The following PTPRR variants were observed in gnomAD, a reference collection of about 807,000 sequenced individuals.
PTPRR encodes protein tyrosine phosphatase receptor type R.
Under a neutral mutation model 77.2 loss-of-function variants are expected in PTPRR, and 38 were observed. The observed-to-expected ratio is 0.49, with a 90% CI of 0.38 to 0.65. The LOEUF is 0.65. Ranked by LOEUF, PTPRR falls within the 30% of genes least tolerant of loss-of-function variation. PTPRR has a pLI of 0.00. For missense variants in PTPRR, 744 were observed against 799.2 expected (o/e 0.93, Z 0.83); for synonymous variants, 299 against 283.1 (o/e 1.06, Z -0.57).
chr12:70,848,067 T>C (rs1225618223), intron 2 of PTPRR, among the ~76,000 whole-genome samples: 1 of 152,116 alleles, frequency 6.6e-6, no homozygotes, highest in Non-Finnish European at 1.5e-5. Flanking sequence ...TTACTATAAA[T>C]TACAAGAGAT....
At chr12:70,696,292 A>G (rs961595236) in intron 8 of PTPRR, among the ~76,000 whole-genome samples, 7 of 151,686 alleles carry the variant, frequency 4.6e-5, no homozygotes, top group Admixed American at 1.3e-4. Context: ...CATAATTACC[A>G]TTTATATGAC....
chr12:70,757,005 G>A (rs1203526225), intron 4 of PTPRR, among the ~76,000 whole-genome samples: 1 of 152,148 alleles, frequency 6.6e-6, no homozygotes, highest in African/African-American at 2.4e-5. Context: ...TTGGATAAAT[G>A]CCAAGCTTCC....
chr12:70,790,536 C>G (rs1891404056), intron 2 of PTPRR, among the ~76,000 whole-genome samples: 1 of 152,068 alleles, frequency 6.6e-6, no homozygotes, highest in Non-Finnish European at 1.5e-5. Context: ...TCTTCTTTTC[C>G]TCTATAGTCT....
intron 2 of PTPRR, among the ~76,000 whole-genome samples, chr12:70,886,369 ATTAAG>A (rs1285470912): frequency 1.3e-5 from 2 of 152,382 alleles, no homozygotes; most frequent in East Asian, 1.9e-4. Flanking sequence ...AAGCATTAAC[ATTAAG>A]TTAAGAGCAG....
chr12:70,699,491 G>C lies in PTPRR; in HGVS notation c.1195-1142C>G, dbSNP rs868293604. Among the ~76,000 whole-genome samples, 45 of 152,096 alleles carry C rather than the reference G, an allele frequency of 3.0e-4. 1 individual carries two copies. The highest frequency in any genetic ancestry group is 9.7e-4 in the African/African-American group (40 of 41,422). ...AGATGGGATCTCACTCTGTCACCTA[G>C]GTCAGTGTGCAGTGGCACAATCATA... On this transcript the variant is annotated intron_variant, in intron 7 of 13. Transcript: ENST00000283228.
intron 2 of PTPRR, among the ~76,000 whole-genome samples, chr12:70,888,405 A>G (rs1565731295): frequency 6.6e-6 from 1 of 152,144 alleles, no homozygotes; most frequent in Non-Finnish European, 1.5e-5. Flanking sequence ...ATATGGACTC[A>G]GATTGCTCTA....
chr12:70,657,686 GAATT>G (rs1437234231), intron 12 of PTPRR, among the ~76,000 whole-genome samples: 2 of 152,044 alleles, frequency 1.3e-5, no homozygotes, highest in African/African-American at 4.8e-5. Flanking sequence ...ATCTAAAACA[GAATT>G]AATTATCTTT....
Position 70,672,370 on chromosome 12 carries a change from AG to A in PTPRR, c.1498-9766del. The A allele has an allele frequency of 6.6e-6, 9 of 1,360,138 alleles. No individual in the cohort carries two copies. The South Asian group carries it at 1.1e-4, about 16-fold the overall frequency. The allele number at this position is 1,360,138 out of a possible 1,614,324, so 84.3% of individuals were successfully genotyped here. On this transcript the variant is annotated intron_variant, in intron 10 of 13. Coordinates refer to ENST00000283228, the MANE Select transcript of PTPRR (RefSeq NM_002849.4). ...CCTATGATGAGATGGTCCTCCCATC[AG>A]AGAGCCAGGAGGTAGACTGGGAAGT...
chr12:70,698,409 CA>C (rs1197657249), intron 7 of PTPRR, 60 bp from the exon 8 acceptor site: 13 of 1,430,794 alleles, frequency 9.1e-6, no homozygotes, highest in Admixed American at 3.4e-5. Context: ...AAAATCTTCA[CA>C]GGGGGGCATC....
At chr12:70,840,455 A>G (rs778422902) in intron 2 of PTPRR, among the ~76,000 whole-genome samples, 4 of 152,160 alleles carry the variant, frequency 2.6e-5, no homozygotes, top group Non-Finnish European at 5.9e-5. Context: ...TTTGCCATGT[A>G]AAGCAACACA....
chr12:70,811,607 C>T (rs140552164), intron 2 of PTPRR, among the ~76,000 whole-genome samples: 41 of 152,310 alleles, frequency 2.7e-4, no homozygotes, highest in Non-Finnish European at 5.3e-4. Context: ...ATTGTATATT[C>T]GCAGGTATCT....
chr12:70,728,238 C>T (rs11178382), intron 6 of PTPRR, among the ~76,000 whole-genome samples: 106,434 of 125,438 alleles, frequency 0.85, 45,030 homozygotes, highest in East Asian at 1. Context: ...ATTTGCCATA[C>T]ATATATACAG....
At chr12:70,737,372 C>T (rs1390676703) in intron 6 of PTPRR, among the ~76,000 whole-genome samples, 2 of 152,094 alleles carry the variant, frequency 1.3e-5, no homozygotes, top group African/African-American at 4.8e-5. Context: ...TTGTCTCAGG[C>T]TGTGCTTTTA....
intron 2 of PTPRR, among the ~76,000 whole-genome samples, chr12:70,871,886 C>T (rs576798135): frequency 6.6e-6 from 1 of 152,284 alleles, no homozygotes; most frequent in African/African-American, 2.4e-5. Context: ...CCTCAGGTCA[C>T]ACCTTGGCCT....
At chr12:70,661,609 C>T (rs1447099688) in intron 11 of PTPRR, among the ~76,000 whole-genome samples, 1 of 152,196 alleles carries the variant, frequency 6.6e-6, no homozygotes, top group Admixed American at 6.5e-5. Context: ...TGAGATCCCT[C>T]TATTGGAAAC....
intron 8 of PTPRR, among the ~76,000 whole-genome samples, chr12:70,685,299 T>C (rs556141687): frequency 1.3e-5 from 2 of 151,866 alleles, no homozygotes; most frequent in East Asian, 3.9e-4. Context: ...GCTATCTGTG[T>C]GAGGATAGGC....
At chr12:70,829,403 G>C (rs781038047) in intron 2 of PTPRR, among the ~76,000 whole-genome samples, 3 of 152,104 alleles carry the variant, frequency 2.0e-5, no homozygotes, top group African/African-American at 4.8e-5. Flanking sequence ...TCTAGGCTGG[G>C]AAAGATGCTC....
At chr12:70,862,171 C>T (rs958888194) in intron 2 of PTPRR, among the ~76,000 whole-genome samples, 2 of 152,032 alleles carry the variant, frequency 1.3e-5, no homozygotes, top group Non-Finnish European at 2.9e-5. Flanking sequence ...TCTCCAAGGC[C>T]TACTGAAAGC....
At position 70,681,045 on chromosome 12, in the gene PTPRR, G is replaced by T. The variant is rs149914202; in HGVS notation, c.1497+3082C>A. Reference sequence around the variant, plus strand: ...TATGGGCTTCATGGATGGGGCACTGGATCTAGGCTCTGAGAGACAGGGTTC... The same window carrying T: ...TATGGGCTTCATGGATGGGGCACTGTATCTAGGCTCTGAGAGACAGGGTTC... On this transcript the variant is annotated intron_variant, in intron 10 of 13. Transcript: ENST00000283228. Among the ~76,000 whole-genome samples the T allele has an allele frequency of 3.4e-3, 516 of 152,276 alleles. 3 individuals carry two copies. Among genetic ancestry groups the T allele is most frequent in the African/African-American group, 0.011 (468 of 41,538 alleles).
Sources: gnomAD v4.1 joint callset for allele counts (sites outside exome capture counted in the v4.1 genomes callset) on GRCh38, gnomAD v4.1.1 for gene constraint, MANE v1.5 for transcripts, NCBI Gene and HGNC (gene_info 2026-07-23, HGNC 2026-07-21) for gene names.